Variants in CCDC80 observed in about 807,000 individuals in gnomAD.
CCDC80 encodes the protein coiled-coil domain containing 80.
In CCDC80, 49 loss-of-function variants were observed where a neutral mutation model predicts 78.7. The ratio of observed to expected loss-of-function variants is 0.62; its 90% CI spans 0.50 to 0.79. The LOEUF is 0.79. Among genes scored for constraint, CCDC80 ranks in the 30% least tolerant of loss-of-function variants. CCDC80 has a pLI of 0.00. For missense variants in CCDC80, 1,205 were observed against 1,198.6 expected (o/e 1.01, Z -0.08); for synonymous variants, 488 against 447.0 (o/e 1.09, Z -1.16).
intron 3 of CCDC80, among the ~76,000 whole-genome samples, chr3:112,629,231 GA>G: frequency 6.7e-6 from 1 of 150,252 alleles, no homozygotes; most frequent in East Asian, 1.9e-4. Flanking sequence ...ATATTTTACG[GA>G]AACTATGCAG....
At chr3:112,612,506 C>G (rs777129306) in intron 5 of CCDC80, among the ~76,000 whole-genome samples, 38 of 152,322 alleles carry the variant, frequency 2.5e-4, no homozygotes, top group Non-Finnish European at 5.4e-4. Flanking sequence ...AAGGTTGCAG[C>G]TCATGACACG....
chr3:112,629,222 T>C (rs1427761022), intron 3 of CCDC80, among the ~76,000 whole-genome samples: 1 of 151,926 alleles, frequency 6.6e-6, no homozygotes, highest in Non-Finnish European at 1.5e-5. Flanking sequence ...AGATGAAATA[T>C]ATTTTACGGA....
rs746347134 is a variant in CCDC80 at position 112,638,084 on chromosome 3, G to C, written c.1822C>G (p.Pro608Ala). The change falls in exon 2 of 8, where the codon CCC (proline) becomes GCC (alanine). Residue 608 changes from proline to alanine, a missense_variant. Coordinates refer to ENST00000206423, the MANE Select transcript of CCDC80 (RefSeq NM_199511.3). ...AGCAGGTCGGCCACTGACTTCTTGG[G>C]ACTCTGCGTGAAGTGTTTGTTGGTG... ...KPTNKHFTQS[P>A]KKSVADLLGS... The C allele has an allele frequency of 6.8e-6, 11 of 1,613,458 alleles. No individual in the cohort carries two copies. The highest frequency in any genetic ancestry group is 1.3e-5 in the African/African-American group (1 of 74,958).
chr3:112,616,882 AT>A, intron 4 of CCDC80, 24 bp from the exon 5 acceptor site: 2 of 1,610,272 alleles, frequency 1.2e-6, no homozygotes, highest in South Asian at 2.2e-5. Context: ...AACAGAATGC[AT>A]TTAATGTACA....
rs370208137 is a variant in CCDC80 at position 112,616,848 on chromosome 3, T to C, written c.2183A>G (p.Glu728Gly). 1 of 1,613,608 alleles carries C rather than the reference T, an allele frequency of 6.2e-7. No homozygotes were observed. Among genetic ancestry groups the C allele is most frequent in the African/African-American group, 1.3e-5 (1 of 74,938 alleles). The change falls in exon 5 of 8, where the codon GAG (glutamate) becomes GGG (glycine). Residue 728 changes from glutamate to glycine, a missense_variant. Coordinates refer to ENST00000206423, the MANE Select transcript of CCDC80 (RefSeq NM_199511.3). ...CACAGACTTCATTGTTATTGGTACC[T>C]CATAGTATTGCTGTTTAAGAAAAAA... ...DVDLRVKQYY[E>G]VPITMKSVFD...
chr3:112,618,814 G>A (rs1054668862), intron 4 of CCDC80, among the ~76,000 whole-genome samples, 154 bp downstream of exon 4: 14 of 152,176 alleles, frequency 9.2e-5, no homozygotes, highest in East Asian at 5.8e-4. Context: ...ATGCAAATTC[G>A]TAGGACAACA....
chr3:112,639,224 G>A lies in CCDC80; in HGVS notation c.682C>T (p.Leu228=), dbSNP rs747034067. 5 of 1,614,036 alleles carry A rather than the reference G, an allele frequency of 3.1e-6. No homozygotes were observed. The African/African-American group carries it at 6.7e-5, about 22-fold the overall frequency. The change falls in exon 2 of 8, where the codon CTG becomes TTG. Residue 228 remains leucine (L), a synonymous_variant. Transcript: ENST00000206423. ...ACCATGCCAAACTTGCCCTTCTCCA[G>A]CTTCAGGAAGCTCATCAGCTTAGGG... The part of the protein sequence containing the change: ...LIPKLMSFLK[L]EKGKFGMVLL...
At chr3:112,614,696 A>G (rs980341369) in intron 5 of CCDC80, among the ~76,000 whole-genome samples, 2 of 152,316 alleles carry the variant, frequency 1.3e-5, no homozygotes, top group South Asian at 4.1e-4. Flanking sequence ...TCAGGGCCGA[A>G]ATTCTGTGGT....
In CCDC80 at chr3:112,639,324, A is replaced by T. The variant is rs116819563; in HGVS notation, c.582T>A (p.Gly194=). ...IQQIVLFHQA[G]EEGGKVRRIT... is the part of the protein sequence containing the mutation. ...TCCTTCTCACCTTGCCTCCTTCCTC[A>T]CCTGCCTGGTGGAAGAGCACAATCT... is the stretch of plus-strand genomic sequence containing the variant. Residue 194 remains glycine, a synonymous_variant, in exon 2 of 8, where the codon GGT becomes GGA. Coordinates refer to ENST00000206423, the MANE Select transcript of CCDC80 (RefSeq NM_199511.3). The T allele has an allele frequency of 0.013, 20,958 of 1,613,992 alleles. 179 individuals carry two copies. The highest frequency in any genetic ancestry group is 0.026 in the African/African-American group (1,914 of 74,972).
rs1935436065 is a variant in CCDC80, at chr3:112,604,526, A to C, written c.*891T>G. 2 of 152,230 alleles carry C rather than the reference A, an allele frequency of 1.3e-5. No homozygotes were observed. Among genetic ancestry groups the C allele is most frequent in the Non-Finnish European group, 2.9e-5 (2 of 68,054 alleles). 9.4% of individuals were successfully genotyped at this position (152,230 alleles called of 1,614,324 possible). A position where few individuals can be genotyped will look rare whatever the true frequency, so the allele number is the denominator to read the frequency against. ...ACTTAATAGACTACTAAAGAGTGTA[A>C]ACATAACTTTTATATGCACTGAGAA... is the stretch of plus-strand genomic sequence containing the variant. On this transcript the variant is annotated 3_prime_UTR_variant, in exon 8 of 8. Transcript: ENST00000206423.
intron 5 of CCDC80, among the ~76,000 whole-genome samples, chr3:112,612,040 C>CTTT (rs754201530): frequency 3.0e-5 from 4 of 133,416 alleles, no homozygotes; most frequent in African/African-American, 8.5e-5. Flanking sequence ...ACTTCCTCTG[C>CTTT]TTTTTTTTTT....
intron 2 of CCDC80, among the ~76,000 whole-genome samples, chr3:112,633,835 C>A (rs943253845): frequency 9.2e-5 from 14 of 152,196 alleles, no homozygotes; most frequent in African/African-American, 2.9e-4. Context: ...AAATGAGAAC[C>A]ATTTCCAGTC....
At chr3:112,613,751 G>A (rs1419317342) in intron 5 of CCDC80, among the ~76,000 whole-genome samples, 1 of 152,018 alleles carries the variant, frequency 6.6e-6, no homozygotes, top group Non-Finnish European at 1.5e-5. Flanking sequence ...TATAGGGTGG[G>A]CAACCTGAGT....
At chr3:112,630,823 G>A (rs73214207) in intron 2 of CCDC80, among the ~76,000 whole-genome samples, 16,641 of 152,132 alleles carry the variant, frequency 0.11, 999 homozygotes, top group South Asian at 0.2. Flanking sequence ...TTAGGCCTAC[G>A]TTTTGTCACA....
chr3:112,616,449 G>GAAA (rs59366104), intron 5 of CCDC80, among the ~76,000 whole-genome samples: 86 of 133,660 alleles, frequency 6.4e-4, no homozygotes, highest in African/African-American at 1.3e-3. Flanking sequence ...AAAAAGAAAA[G>GAAA]AAAAAAAAAA....
intron 2 of CCDC80, among the ~76,000 whole-genome samples, chr3:112,636,800 C>T (rs141790144): frequency 7.7e-4 from 117 of 152,304 alleles, no homozygotes; most frequent in Middle Eastern, 3.4e-3. Flanking sequence ...TGAGTTGATT[C>T]TCTCACCCAG....
In CCDC80 at chr3:112,638,669, T is replaced by G; in HGVS notation, c.1237A>C (p.Asn413His). Residue 413 changes from asparagine to histidine, a missense_variant, in exon 2 of 8, where the codon AAT becomes CAT. Physicochemically the swap from Asn to His is moderately conservative, Grantham distance 68. Coordinates refer to ENST00000206423, the MANE Select transcript of CCDC80 (RefSeq NM_199511.3). ...TCCTTCCGGGATGGAGGGTAAAGAT[T>G]CTCTGAAACTGAGGGTCTCCTGGCA... The part of the protein sequence containing the change: ...ITARRPSVSE[N>H]LYPPSRKDQH... 6.2e-7 allele frequency: 1 copy of G among 1,613,946 alleles called. No individual in the cohort carries two copies. The highest frequency in any genetic ancestry group is 8.5e-7 in the Non-Finnish European group (1 of 1,179,976).
rs1446986944 is a variant in CCDC80, at chr3:112,598,348, G to A, written c.*7069C>T. The A allele has an allele frequency of 6.6e-6, 1 of 152,186 alleles. No individual in the cohort carries two copies. The highest frequency in any genetic ancestry group is 1.5e-5 in the Non-Finnish European group (1 of 68,050). The allele number at this position is 152,186 out of a possible 1,614,324, so 9.4% of individuals were successfully genotyped here. A position where few individuals can be genotyped will look rare whatever the true frequency, so the allele number is the denominator to read the frequency against. ...CTTTTTGCATTATAGATAGCCTTGG[G>A]AAGGGTGTCACCTTTATCCTATCAG... On this transcript the variant is annotated 3_prime_UTR_variant, in exon 8 of 8. Coordinates refer to ENST00000206423, the MANE Select transcript of CCDC80 (RefSeq NM_199511.3).
Position 112,638,095 on chromosome 3 carries a change from A to G in CCDC80, c.1811T>C (p.Phe604Ser), listed in dbSNP as rs1481196627. Reference sequence around the variant, plus strand: ...CACTGACTTCTTGGGACTCTGCGTGAAGTGTTTGTTGGTGGGTTTCTGATA... The same window carrying G: ...CACTGACTTCTTGGGACTCTGCGTGGAGTGTTTGTTGGTGGGTTTCTGATA... ...DGYQKPTNKHFTQSPKKSVAD... is the reference protein window; with the variant it reads ...DGYQKPTNKHSTQSPKKSVAD... Residue 604 changes from phenylalanine (F) to serine (S), a missense_variant, in exon 2 of 8, where the codon TTC (phenylalanine) becomes TCC (serine). Physicochemically the swap from Phe to Ser is radical, Grantham distance 155 (BLOSUM62 -2). Coordinates refer to ENST00000206423, the MANE Select transcript of CCDC80 (RefSeq NM_199511.3). The G allele has an allele frequency of 1.2e-6, 2 of 1,613,848 alleles. No individual in the cohort carries two copies. The highest frequency in any genetic ancestry group is 1.7e-6 in the Non-Finnish European group (2 of 1,179,986).
Sources: gnomAD v4.1 joint callset for allele counts (sites outside exome capture counted in the v4.1 genomes callset) on GRCh38, gnomAD v4.1.1 for gene constraint, MANE v1.5 for transcripts, NCBI Gene and HGNC (gene_info 2026-07-23, HGNC 2026-07-21) for gene names.